Variants in SYT16 observed in about 807,000 individuals in gnomAD.
The protein encoded by SYT16 is synaptotagmin 16.
In SYT16, 42 loss-of-function variants were observed where a neutral mutation model predicts 61.4. The ratio of observed to expected loss-of-function variants is 0.68; its 90% CI spans 0.53 to 0.89. The LOEUF (loss-of-function observed/expected upper bound fraction) is 0.89. Ranked by LOEUF, SYT16 falls within the 40% of genes least tolerant of loss-of-function variation. The pLI, the probability that SYT16 is intolerant of heterozygous loss-of-function variation, is 0.00. For missense variants in SYT16, 804 were observed against 807.3 expected (o/e 1.00, Z 0.05); for synonymous variants, 314 against 302.3 (o/e 1.04, Z -0.40).
intron 2 of SYT16, among the ~76,000 whole-genome samples, chr14:61,984,054 A>T (rs1469540656): frequency 2.6e-5 from 4 of 152,184 alleles, no homozygotes; most frequent in Non-Finnish European, 5.9e-5. Context: ...AAATCATAGC[A>T]TTACAAGACA....
chr14:61,991,946 G>GTTCATTCATTCA (rs1421603336), intron 2 of SYT16, among the ~76,000 whole-genome samples: 3 of 120,266 alleles, frequency 2.5e-5, no homozygotes, highest in African/African-American at 1.0e-4. Context: ...TAATAACTTT[G>GTTCATTCATTCA]TTCGTTCATT....
intron 1 of SYT16, among the ~76,000 whole-genome samples, chr14:61,956,941 T>G (rs910684337): frequency 6.6e-6 from 1 of 151,944 alleles, no homozygotes; most frequent in African/African-American, 2.4e-5. Context: ...CAATTCATGA[T>G]CATGGGATGT....
chr14:62,050,625 G>T (rs1385454256), intron 3 of SYT16, among the ~76,000 whole-genome samples: 1 of 152,172 alleles, frequency 6.6e-6, no homozygotes, highest in Non-Finnish European at 1.5e-5. Context: ...GGTCTTTGAT[G>T]ATGGTGACGT....
At chr14:62,065,441 C>G (rs908878352) in intron 3 of SYT16, among the ~76,000 whole-genome samples, 6 of 151,968 alleles carry the variant, frequency 3.9e-5, no homozygotes, top group African/African-American at 1.5e-4. Context: ...AATGTTATAA[C>G]TACTGTATGA....
At chr14:61,844,834 C>G (rs940013796) in intron 1 of SYT16, among the ~76,000 whole-genome samples, 2 of 151,966 alleles carry the variant, frequency 1.3e-5, no homozygotes, top group African/African-American at 4.8e-5. Flanking sequence ...AGATATTGGG[C>G]TACAGTTTTC....
intron 3 of SYT16, among the ~76,000 whole-genome samples, chr14:62,006,797 G>GT (rs2053243271): frequency 1.3e-5 from 2 of 151,982 alleles, no homozygotes; most frequent in South Asian, 2.1e-4. Context: ...ATTGTTTTCA[G>GT]TTTTTTACCT....
chr14:61,905,221 A>G (rs1477394844), intron 1 of SYT16, among the ~76,000 whole-genome samples: 2 of 152,182 alleles, frequency 1.3e-5, no homozygotes, highest in Non-Finnish European at 2.9e-5. Flanking sequence ...TTTAGCTTAA[A>G]ATCATGATTT....
intron 1 of SYT16, among the ~76,000 whole-genome samples, chr14:61,877,603 G>T (rs1594810171): frequency 6.6e-6 from 1 of 152,190 alleles, no homozygotes; most frequent in African/African-American, 2.4e-5. Flanking sequence ...CCCTGCTAAA[G>T]AGTGCTGGAC....
At chr14:61,817,291 G>T (rs1188779454) in intron 1 of SYT16, among the ~76,000 whole-genome samples, 2 of 151,624 alleles carry the variant, frequency 1.3e-5, no homozygotes, top group African/African-American at 4.9e-5. Flanking sequence ...GGTGACAGGC[G>T]CCTGTAATCC....
At chr14:62,068,523 CTG>C (rs908816602) in intron 3 of SYT16, among the ~76,000 whole-genome samples, 1 of 152,186 alleles carries the variant, frequency 6.6e-6, no homozygotes, top group Non-Finnish European at 1.5e-5. Flanking sequence ...GTGAATAAAA[CTG>C]TATTTCATTA....
intron 1 of SYT16, among the ~76,000 whole-genome samples, chr14:61,855,757 T>C (rs528653223): frequency 7.9e-5 from 12 of 152,374 alleles, no homozygotes; most frequent in Non-Finnish European, 1.3e-4. Flanking sequence ...GTGGTAATTA[T>C]GTTGTTATTT....
intron 3 of SYT16, among the ~76,000 whole-genome samples, chr14:62,017,723 G>GTT (rs796667323): frequency 5.7e-5 from 8 of 141,388 alleles, no homozygotes; most frequent in Admixed American, 7.1e-5. Context: ...TCAGTGTGTG[G>GTT]TTTTTTTTTT....
At chr14:61,819,356 G>A (rs2045544777) in intron 1 of SYT16, among the ~76,000 whole-genome samples, 1 of 152,162 alleles carries the variant, frequency 6.6e-6, no homozygotes. Flanking sequence ...CTTTCTAGTA[G>A]ATTGGAGAGG....
chr14:62,032,668 A>G (rs769687579), intron 3 of SYT16, among the ~76,000 whole-genome samples: 6 of 152,028 alleles, frequency 3.9e-5, no homozygotes, highest in Non-Finnish European at 7.4e-5. Flanking sequence ...AGTTTTGGAA[A>G]TCTGATTAAA....
chr14:62,079,961 A>C (rs2056648820), intron 5 of SYT16, among the ~76,000 whole-genome samples: 1 of 152,224 alleles, frequency 6.6e-6, no homozygotes, highest in Non-Finnish European at 1.5e-5. Context: ...GGTCTAAGCC[A>C]GGTATTTTCA....
intron 1 of SYT16, among the ~76,000 whole-genome samples, chr14:61,817,007 T>TCACACACA (rs35451986): frequency 8.6e-6 from 1 of 115,788 alleles, no homozygotes; most frequent in Non-Finnish European, 1.7e-5. Flanking sequence ...TGAGGCTCCG[T>TCACACACA]CACACACACA....
At chr14:62,090,031 T>G (rs1396310810) in intron 7 of SYT16, among the ~76,000 whole-genome samples, 2 of 152,244 alleles carry the variant, frequency 1.3e-5, no homozygotes, top group African/African-American at 4.8e-5. Flanking sequence ...TGATTTAACC[T>G]CTCTGAATTA....
At chr14:61,970,051 G>A (rs1410854361) in intron 1 of SYT16, 81 bp from the exon 2 acceptor site, 2 of 152,156 alleles carry the variant, frequency 1.3e-5, no homozygotes, top group Non-Finnish European at 2.9e-5. Flanking sequence ...ATTCTGAATA[G>A]CATTGATCAC....
chr14:62,027,651 T>A (rs1566777183), intron 3 of SYT16, among the ~76,000 whole-genome samples: 1 of 152,200 alleles, frequency 6.6e-6, no homozygotes, highest in African/African-American at 2.4e-5. Flanking sequence ...ATATCACTGA[T>A]CACTATCCTT....
Sources: gnomAD v4.1 joint callset for allele counts (sites outside exome capture counted in the v4.1 genomes callset) on GRCh38, gnomAD v4.1.1 for gene constraint, MANE v1.5 for transcripts, NCBI Gene and HGNC (gene_info 2026-07-23, HGNC 2026-07-21) for gene names.